The following C4orf17 variants were observed in gnomAD, a reference collection of about 807,000 sequenced individuals.
The protein encoded by C4orf17 is chromosome 4 open reading frame 17.
A neutral mutation model predicts 32.0 loss-of-function variants in C4orf17; 25 were observed. The observed-to-expected ratio is 0.78, with a 90% CI of 0.57 to 1.09. The LOEUF (loss-of-function observed/expected upper bound fraction) is 1.09, where lower values mean the gene tolerates loss of function less well. C4orf17 is among the 50% of genes least tolerant of loss of function. C4orf17 has a pLI of 0.00. For missense variants in C4orf17, 420 were observed against 420.0 expected (o/e 1.00, Z 0.00); for synonymous variants, 149 against 145.8 (o/e 1.02, Z -0.16).
intron 4 of C4orf17, 21 bp downstream of exon 4, chr4:99,524,606 G>C: frequency 6.9e-7 from 1 of 1,446,254 alleles, no homozygotes; most frequent in Non-Finnish European, 9.6e-7. Flanking sequence ...GCTATTTACT[G>C]CTATCTATTT....
At position 99,539,048 on chromosome 4, in the gene C4orf17, T is replaced by A. The variant is rs536894904; in HGVS notation, c.629-115T>A. Reference sequence around the variant, plus strand: ...GTCCTTACTCCCACATAGGTAACTATCCAGAAAATAGATGACCAGTCTTTC... The same window carrying A: ...GTCCTTACTCCCACATAGGTAACTAACCAGAAAATAGATGACCAGTCTTTC... On this transcript the variant is annotated intron_variant, in intron 6 of 8. Transcript: ENST00000326581. 9 of 954,702 alleles carry A rather than the reference T, an allele frequency of 9.4e-6. 1 individual carries two copies. The Admixed American group carries it at 1.7e-4, about 18-fold the overall frequency. The allele number at this position is 954,702 out of a possible 1,614,324, so 59.1% of individuals were successfully genotyped here.
intron 5 of C4orf17, chr4:99,535,941 T>G (rs186685691): frequency 9.6e-5 from 42 of 438,306 alleles, no homozygotes; most frequent in South Asian, 1.4e-4. Flanking sequence ...TGTTGTTGTT[T>G]TTTTCTGTTT....
intron 5 of C4orf17, chr4:99,536,041 A>G: frequency 2.3e-6 from 1 of 434,562 alleles, no homozygotes; most frequent in South Asian, 1.7e-5. Flanking sequence ...TCCCATACCT[A>G]GAGGTATCAT....
chr4:99,525,417 T>C (rs1723370768), intron 4 of C4orf17, among the ~76,000 whole-genome samples: 1 of 152,194 alleles, frequency 6.6e-6, no homozygotes, highest in Non-Finnish European at 1.5e-5. Flanking sequence ...TTCCTCATGA[T>C]GTTGACATCT....
Position 99,539,183 on chromosome 4 carries a change from T to C in C4orf17, c.649T>C (p.Leu217=). Residue 217 remains leucine (L), a synonymous_variant, in exon 7 of 9, where the codon TTG becomes CTG. Coordinates refer to ENST00000326581, the MANE Select transcript of C4orf17 (RefSeq NM_032149.3). ...TSKEKEWVSA[L]IHSELAEINL... ...ACCAGAAAAAGAGTGGGTCTCAGCT[T>C]TGATTCATTCTGAGCTTGCCGAGAT... 6.2e-7 allele frequency: 1 copy of C among 1,614,062 alleles called. No individual in the cohort carries two copies. Among genetic ancestry groups the C allele is most frequent in the East Asian group, 2.2e-5 (1 of 44,880 alleles).
Position 99,542,275 on chromosome 4 carries a change from C to T in C4orf17, c.*166C>T. ...TATGTAATGCTACAAATAAATATTA[C>T]TGGAAATGATATTTCCATTTGTAGT... On this transcript the variant is annotated 3_prime_UTR_variant, in exon 9 of 9. Coordinates refer to ENST00000326581, the MANE Select transcript of C4orf17 (RefSeq NM_032149.3). The T allele has an allele frequency of 1.6e-6, 1 of 638,550 alleles. No homozygotes were observed. The highest frequency in any genetic ancestry group is 2.8e-6 in the Non-Finnish European group (1 of 360,902). The allele number at this position is 638,550 out of a possible 1,614,324, so 39.6% of individuals were successfully genotyped here.
At chr4:99,525,074 A>T (rs1402381652) in intron 4 of C4orf17, among the ~76,000 whole-genome samples, 1 of 152,134 alleles carries the variant, frequency 6.6e-6, no homozygotes, top group Non-Finnish European at 1.5e-5. Context: ...CAATGTGTTG[A>T]TCTATTTACC....
At chr4:99,540,204 T>C (rs1470140999) in intron 7 of C4orf17, among the ~76,000 whole-genome samples, 3 of 152,128 alleles carry the variant, frequency 2.0e-5, no homozygotes, top group Admixed American at 2.0e-4. Flanking sequence ...ATGACTAACA[T>C]ATGATACAAT....
chr4:99,513,263 T>A, intron 2 of C4orf17, 55 bp downstream of exon 2: 1 of 1,600,492 alleles, frequency 6.2e-7, no homozygotes. Flanking sequence ...TTGGGCTATT[T>A]GATAATTCTG....
chr4:99,540,372 A>T, intron 7 of C4orf17, 40 bp from the exon 8 acceptor site: 1 of 1,499,924 alleles, frequency 6.7e-7, no homozygotes, highest in Non-Finnish European at 9.3e-7. Flanking sequence ...ACTTTTTTGT[A>T]TCTGTGAAAT....
Position 99,518,575 on chromosome 4 carries a change from AGAGAGAG to A in C4orf17, c.128-3924_128-3918del, listed in dbSNP as rs1560585630. Among the ~76,000 whole-genome samples, 309 of 125,786 alleles carry A rather than the reference AGAGAGAG, an allele frequency of 2.5e-3. 5 individuals are homozygous for A. The highest frequency in any genetic ancestry group is 9.7e-3 in the African/African-American group (274 of 28,214). 82.5% of individuals were successfully genotyped at this position (125,786 alleles called of 152,430 possible). A position where few individuals can be genotyped will look rare whatever the true frequency, so the allele number is the denominator to read the frequency against. On this transcript the variant is annotated intron_variant, in intron 2 of 8. Transcript: ENST00000326581. ...GAGAGAGAGAGAGAGAGAGAGAGAG[AGAGAGAG>A]AGGGAGGGAGACAGAGAGAGAGAGA...
At chr4:99,525,146 A>C (rs1723364725) in intron 4 of C4orf17, among the ~76,000 whole-genome samples, 1 of 152,218 alleles carries the variant, frequency 6.6e-6, no homozygotes, top group Admixed American at 6.5e-5. Context: ...ATTTGTCTAC[A>C]AGTCTTTGGA....
chr4:99,522,243 G>A (rs1384563696), intron 2 of C4orf17, among the ~76,000 whole-genome samples: 1 of 152,002 alleles, frequency 6.6e-6, no homozygotes, highest in African/African-American at 2.4e-5. Context: ...CGACGATGTG[G>A]TCTGGCCCTG....
At chr4:99,528,962 G>C (rs1227509054) in intron 4 of C4orf17, among the ~76,000 whole-genome samples, 1 of 152,094 alleles carries the variant, frequency 6.6e-6, no homozygotes, top group African/African-American at 2.4e-5. Context: ...GTTTCTAAGA[G>C]CTATCAACAA....
intron 5 of C4orf17, 116 bp from the exon 6 acceptor site, chr4:99,537,553 T>C: frequency 1.4e-6 from 1 of 725,184 alleles, no homozygotes; most frequent in South Asian, 1.6e-5. Flanking sequence ...TTAACTAAAT[T>C]GCACATCATA....
At chr4:99,527,362 T>C (rs1181496242) in intron 4 of C4orf17, among the ~76,000 whole-genome samples, 1 of 152,226 alleles carries the variant, frequency 6.6e-6, no homozygotes, top group Non-Finnish European at 1.5e-5. Context: ...GAAACAAATA[T>C]TCACTCTGCT....
chr4:99,532,215 T>C (rs770533386), intron 5 of C4orf17, among the ~76,000 whole-genome samples: 1 of 152,004 alleles, frequency 6.6e-6, no homozygotes, highest in Non-Finnish European at 1.5e-5. Flanking sequence ...CAAAGGAAAA[T>C]AAATTGTTCT....
In C4orf17 at chr4:99,511,253, G is replaced by A. The variant is rs1354171624; in HGVS notation, c.-113G>A. The A allele has an allele frequency of 6.6e-6, 1 of 152,130 alleles. No individual in the cohort carries two copies. 9.4% of individuals were successfully genotyped at this position (152,130 alleles called of 1,614,324 possible). ...TGAGTTCTTGTCAGCAAGATCACCT[G>A]CTTTTAATATTGTCCTCAGGTATAA... On this transcript the variant is annotated 5_prime_UTR_variant, in exon 1 of 9. Transcript: ENST00000326581.
At chr4:99,520,235 G>A (rs2851018) in intron 2 of C4orf17, among the ~76,000 whole-genome samples, 78,165 of 151,414 alleles carry the variant, frequency 0.52, 22,668 homozygotes, top group East Asian at 0.66. Flanking sequence ...AACTACAGGC[G>A]CCTGCCACTG....
Sources: gnomAD v4.1 joint callset for allele counts (sites outside exome capture counted in the v4.1 genomes callset) on GRCh38, gnomAD v4.1.1 for gene constraint, MANE v1.5 for transcripts, NCBI Gene and HGNC (gene_info 2026-07-23, HGNC 2026-07-21) for gene names.